Variants in HROB observed in about 807,000 individuals in gnomAD.
HROB encodes homologous recombination factor with OB-fold.
Under a neutral mutation model 61.0 loss-of-function variants are expected in HROB, and 44 were observed. The observed-to-expected ratio is 0.72, with a 90% CI of 0.57 to 0.93. The LOEUF is 0.93. HROB is among the 40% of genes least tolerant of loss of function. HROB has a pLI of 0.00. For synonymous variants in HROB, 301 were observed against 310.4 expected (o/e 0.97, Z 0.32); for missense variants, 716 against 796.2 (o/e 0.90, Z 1.21).
At position 44,147,981 on chromosome 17, in the gene HROB, C is replaced by T. The variant is rs201117972; in HGVS notation, c.178C>T (p.Leu60=). The T allele has an allele frequency of 3.7e-6, 6 of 1,614,088 alleles. No individual in the cohort carries two copies. The East Asian group carries it at 1.1e-4, about 30-fold the overall frequency. Residue 60 remains leucine, a synonymous_variant, in exon 3 of 10, where the codon CTG becomes TTG. Coordinates refer to ENST00000585683, the MANE Select transcript of HROB (RefSeq NM_001171251.3). ...GACTGTGCAGGCACAGTCCTCCAGGCTGCTGCTGTTACACCCCACTGCTCC... is the reference window on the plus strand; with the variant it reads ...GACTGTGCAGGCACAGTCCTCCAGGTTGCTGCTGTTACACCCCACTGCTCC... ...QETVQAQSSR[L]LLLHPTAPSE... is the part of the protein sequence containing the mutation.
chr17:44,158,034 T>C lies in HROB; in HGVS notation c.1879+93T>C, dbSNP rs2054024155. The C allele has an allele frequency of 2.3e-5, 20 of 878,798 alleles. No individual in the cohort carries two copies. In the South Asian group the frequency reaches 3.0e-4, roughly 13 times the overall value. The allele number at this position is 878,798 out of a possible 1,614,324, so 54.4% of individuals were successfully genotyped here. ...TTCCTGGCTATATCTTGTTCCTCTT[T>C]CCATGAATCTTTGGATCTTATATAA... On this transcript the variant is annotated intron_variant, in intron 9 of 9. Transcript: ENST00000585683.
intron 4 of HROB, among the ~76,000 whole-genome samples, chr17:44,151,315 C>T (rs1294574401): frequency 6.6e-6 from 1 of 152,194 alleles, no homozygotes; most frequent in Non-Finnish European, 1.5e-5. Context: ...GCTCCAGCTT[C>T]CCCTGGGGGA....
At position 44,149,034 on chromosome 17, in the gene HROB, G is replaced by C; in HGVS notation, c.1224+7G>C. The C allele has an allele frequency of 6.2e-7, 1 of 1,610,372 alleles. No homozygotes were observed. Among genetic ancestry groups the C allele is most frequent in the Non-Finnish European group, 8.5e-7 (1 of 1,177,544 alleles). On this transcript the variant is annotated splice_region_variant and intron_variant, in intron 3 of 9. Coordinates refer to ENST00000585683, the MANE Select transcript of HROB (RefSeq NM_001171251.3). ...TGGGATCCTGCCTCACCAGGTGAGT[G>C]AGCTGGCTTTCTAGGATTTGGTGGG...
chr17:44,142,466 C>CTTTTTTTTTTT (rs1156855939), intron 1 of HROB, among the ~76,000 whole-genome samples: 1 of 137,854 alleles, frequency 7.3e-6, no homozygotes, highest in Non-Finnish European at 1.6e-5. Flanking sequence ...ACACTTTCTA[C>CTTTTTTTTTTT]TTTTTTTTTT....
chr17:44,151,285 A>G (rs1447096761), intron 4 of HROB, among the ~76,000 whole-genome samples: 2 of 152,138 alleles, frequency 1.3e-5, no homozygotes, highest in Non-Finnish European at 2.9e-5. Flanking sequence ...TTTCCCATCT[A>G]AGAAATAAAG....
intron 8 of HROB, among the ~76,000 whole-genome samples, 164 bp from the exon 9 acceptor site, chr17:44,157,669 C>G (rs573777518): frequency 7.2e-5 from 11 of 152,266 alleles, no homozygotes; most frequent in African/African-American, 2.6e-4. Context: ...CCCGCCTCGG[C>G]CTCCCAAAGG....
chr17:44,148,527 C>A lies in HROB; in HGVS notation c.724C>A (p.Pro242Thr). Residue 242 changes from proline to threonine, a missense_variant, in exon 3 of 10, where the codon CCC becomes ACC. Coordinates refer to ENST00000585683, the MANE Select transcript of HROB (RefSeq NM_001171251.3). ...PVIQCRTPRPPLRPGAVGHLP... is the reference protein window; with the variant it reads ...PVIQCRTPRPTLRPGAVGHLP... Reference sequence around the variant, plus strand: ...CATCCAATGTAGGACTCCACGACCCCCCTTGAGACCTGGTGCTGTGGGTCA... The same window carrying A: ...CATCCAATGTAGGACTCCACGACCCACCTTGAGACCTGGTGCTGTGGGTCA... 1.9e-6 allele frequency: 3 copies of A among 1,614,136 alleles called. No individual in the cohort carries two copies. Among genetic ancestry groups the A allele is most frequent in the Non-Finnish European group, 1.7e-6 (2 of 1,180,038 alleles).
chr17:44,156,665 ATTTATTT>A (rs1261316076), intron 8 of HROB, among the ~76,000 whole-genome samples: 2 of 143,798 alleles, frequency 1.4e-5, no homozygotes, highest in Non-Finnish European at 3.1e-5. Context: ...ACCGGTATTT[ATTTATTT>A]TTTTTTTTTG....
At chr17:44,159,816 C>T (rs900538553) in intron 9 of HROB, among the ~76,000 whole-genome samples, 3 of 152,210 alleles carry the variant, frequency 2.0e-5, no homozygotes, top group African/African-American at 7.2e-5. Flanking sequence ...CTTCCAAGAA[C>T]TTAAAAGAAG....
intron 1 of HROB, 125 bp from the exon 2 acceptor site, chr17:44,145,078 G>A (rs1441978228): frequency 5.7e-6 from 6 of 1,048,252 alleles, no homozygotes; most frequent in African/African-American, 1.6e-5. Context: ...TTTCCCAGCC[G>A]TAGCAAAAAC....
intron 3 of HROB, among the ~76,000 whole-genome samples, chr17:44,150,125 T>A (rs2053753514): frequency 6.6e-6 from 1 of 152,098 alleles, no homozygotes. Context: ...TGGTGAGACT[T>A]GGATTAAACT....
At chr17:44,150,766 C>T (rs1433403442) in intron 3 of HROB, among the ~76,000 whole-genome samples, 195 bp from the exon 4 acceptor site, 1 of 152,186 alleles carries the variant, frequency 6.6e-6, no homozygotes, top group Non-Finnish European at 1.5e-5. Context: ...GGCTTCCTCA[C>T]GTTTTCAAAC....
In HROB at chr17:44,155,343, C is replaced by G; in HGVS notation, c.1702C>G (p.Leu568Val). Reference protein sequence around the residue: ...NHYLNVTPNNLVHIYSPDSGD... With the variant: ...NHYLNVTPNNVVHIYSPDSGD... Reference sequence around the variant, plus strand: ...CTACCTCAACGTGACACCCAACAACCTGGTCCATATTTACAGCCCGGATTC... The same window carrying G: ...CTACCTCAACGTGACACCCAACAACGTGGTCCATATTTACAGCCCGGATTC... Residue 568 changes from leucine (L) to valine (V), a missense_variant, in exon 8 of 10, where the codon CTG becomes GTG. Coordinates refer to ENST00000585683, the MANE Select transcript of HROB (RefSeq NM_001171251.3). 2 of 1,614,168 alleles carry G rather than the reference C, an allele frequency of 1.2e-6. No individual in the cohort carries two copies. The highest frequency in any genetic ancestry group is 2.2e-5 in the South Asian group (2 of 91,080).
In HROB at chr17:44,142,195, C is replaced by T. The variant is rs527564396; in HGVS notation, c.3+50C>T. On this transcript the variant is annotated intron_variant, in intron 1 of 9. Coordinates refer to ENST00000585683, the MANE Select transcript of HROB (RefSeq NM_001171251.3). ...CTGGCGGGCCGCAGGGCCCCCTGGCCTCCGGAACTGCTCATGGGGTTCCAG... is the reference window on the plus strand; with the variant it reads ...CTGGCGGGCCGCAGGGCCCCCTGGCTTCCGGAACTGCTCATGGGGTTCCAG... 98 of 1,480,034 alleles carry T rather than the reference C, an allele frequency of 6.6e-5. No individual in the cohort carries two copies. The South Asian group carries it at 1.1e-3, about 17-fold the overall frequency. 91.7% of individuals were successfully genotyped at this position (1,480,034 alleles called of 1,614,324 possible).
chr17:44,157,727 T>C (rs2144091337), intron 8 of HROB, 106 bp from the exon 9 acceptor site: 3 of 754,812 alleles, frequency 4.0e-6, no homozygotes, highest in Non-Finnish European at 6.2e-6. Context: ...ATCATGTTTC[T>C]TTCCTGAGCC....
At chr17:44,147,803 C>CA in intron 2 of HROB, 55 bp from the exon 3 acceptor site, 1 of 1,502,908 alleles carries the variant, frequency 6.7e-7, no homozygotes, top group Non-Finnish European at 9.1e-7. Context: ...ACAGTAAAAG[C>CA]AGAGGGGTTC....
At position 44,162,105 on chromosome 17, in the gene HROB, TG is replaced by T; in HGVS notation, c.*174del. On this transcript the variant is annotated 3_prime_UTR_variant, in exon 10 of 10. Transcript: ENST00000585683. ...CCTGAGAGCCCCCTCATCTCTGCGC[TG>T]CCCTCACTTTGGGCCTTCCTTTGCC... is the stretch of plus-strand genomic sequence containing the variant. 1 of 617,936 alleles carries T rather than the reference TG, an allele frequency of 1.6e-6. No homozygotes were observed. The highest frequency in any genetic ancestry group is 2.2e-5 in the South Asian group (1 of 44,864). The allele number at this position is 617,936 out of a possible 1,614,324, so 38.3% of individuals were successfully genotyped here. A position where few individuals can be genotyped will look rare whatever the true frequency, so the allele number is the denominator to read the frequency against.
rs2143918637 is a variant in HROB at position 44,148,818 on chromosome 17, C to A, written c.1015C>A (p.Pro339Thr). ...TAGCTCTGGATTATTTCCTCGGATA[C>A]CCTTACAACCGCAAGCTCCAGTGTC... is the stretch of plus-strand genomic sequence containing the variant. Reference protein sequence around the residue: ...RTSSGLFPRIPLQPQAPVSSI... With the variant: ...RTSSGLFPRITLQPQAPVSSI... The change falls in exon 3 of 10, where the codon CCC becomes ACC. Residue 339 changes from proline (P) to threonine (T), a missense_variant. Pro to Thr is a conservative substitution (Grantham distance 38, BLOSUM62 -1). Transcript: ENST00000585683. 2 of 1,614,186 alleles carry A rather than the reference C, an allele frequency of 1.2e-6. No individual in the cohort carries two copies. The highest frequency in any genetic ancestry group is 1.7e-6 in the Non-Finnish European group (2 of 1,180,022).
rs775128864 is a variant in HROB, at chr17:44,148,436, G to A, written c.633G>A (p.Lys211=). Residue 211 remains lysine, a synonymous_variant, in exon 3 of 10, where the codon AAG becomes AAA. Transcript: ENST00000585683. ...TTGATCTGAGTGGATCTTGCCAGAA[G>A]GGGCCTGTGCCTGCCATCCACAAAG... The part of the protein sequence containing the change: ...RVVDLSGSCQ[K]GPVPAIHKAG... The A allele has an allele frequency of 1.2e-6, 2 of 1,614,134 alleles. No individual in the cohort carries two copies. The highest frequency in any genetic ancestry group is 2.2e-5 in the South Asian group (2 of 91,080).
Sources: gnomAD v4.1 joint callset for allele counts (sites outside exome capture counted in the v4.1 genomes callset) on GRCh38, gnomAD v4.1.1 for gene constraint, MANE v1.5 for transcripts, NCBI Gene and HGNC (gene_info 2026-07-23, HGNC 2026-07-21) for gene names.